Variants in LRCH2 observed in about 807,000 individuals in gnomAD.
The protein encoded by LRCH2 is leucine rich repeats and calponin homology domain containing 2.
In LRCH2, 38 loss-of-function variants were observed where a neutral mutation model predicts 68.9. The ratio of observed to expected loss-of-function variants is 0.55; its 90% CI spans 0.43 to 0.72. The LOEUF is 0.72. Ranked by LOEUF, LRCH2 falls within the 30% of genes least tolerant of loss-of-function variation. The pLI is 0.00. For synonymous variants in LRCH2, 191 were observed against 208.1 expected (o/e 0.92, Z 0.71); for missense variants, 528 against 572.9 (o/e 0.92, Z 0.80).
intron 14 of LRCH2, among the ~76,000 whole-genome samples, chrX:115,141,267 A>G (rs2072336373): frequency 9.1e-6 from 1 of 110,340 alleles, no homozygotes; most frequent in African/African-American, 3.3e-5. Flanking sequence ...GGTTGAGGAT[A>G]GTGCCTGTGT....
chrX:115,114,836 G>C (rs1314615814), intron 20 of LRCH2, among the ~76,000 whole-genome samples: 1 of 110,357 alleles, frequency 9.1e-6, no homozygotes, highest in African/African-American at 3.3e-5. Flanking sequence ...AACTATTATA[G>C]AACTAATAAA....
rs150971045 is a variant in LRCH2, at chrX:115,170,795, A to T, written c.865-363T>A. On this transcript the variant is annotated intron_variant, in intron 5 of 20. Transcript: ENST00000317135. ...TATTCATTGGAATGGTAAGAAAAGAACAAATAATCTATGTGATTCTTTAAA... is the reference window on the plus strand; with the variant it reads ...TATTCATTGGAATGGTAAGAAAAGATCAAATAATCTATGTGATTCTTTAAA... 9.3e-3 allele frequency among the ~76,000 whole-genome samples: 1,044 copies of T among 112,103 alleles called. 13 individuals are homozygous for T. Among genetic ancestry groups the T allele is most frequent in the African/African-American group, 0.032 (983 of 30,948 alleles).
chrX:115,150,128 A>G, intron 12 of LRCH2, 58 bp from the exon 13 acceptor site: 1 of 856,903 alleles, frequency 1.2e-6, no homozygotes. Flanking sequence ...CCTTAAATAT[A>G]TATTATGAAC....
chrX:115,174,620 A>G (rs2147399026), intron 5 of LRCH2, among the ~76,000 whole-genome samples: 1 of 101,417 alleles, frequency 9.9e-6, no homozygotes, highest in South Asian at 4.9e-4. Flanking sequence ...CACACACACT[A>G]TATTTTCTTT....
chrX:115,224,190 A>C (rs2073103694), intron 1 of LRCH2, among the ~76,000 whole-genome samples: 2 of 111,575 alleles, frequency 1.8e-5, no homozygotes, highest in African/African-American at 6.5e-5. Flanking sequence ...AAATAGATGA[A>C]TGGTTGCCTA....
At chrX:115,147,087 T>C (rs781852573) in intron 14 of LRCH2, among the ~76,000 whole-genome samples, 37 of 111,239 alleles carry the variant, frequency 3.3e-4, no homozygotes, top group South Asian at 3.7e-4. Context: ...TTTCGTAACA[T>C]AGCAAAACCT....
chrX:115,201,996 T>C (rs782523446), intron 1 of LRCH2, among the ~76,000 whole-genome samples: 3 of 111,196 alleles, frequency 2.7e-5, no homozygotes, highest in African/African-American at 6.5e-5. Context: ...ATGAAAGAAA[T>C]TGAAGATGAC....
intron 20 of LRCH2, among the ~76,000 whole-genome samples, chrX:115,117,838 T>A (rs1556524559): frequency 9.0e-6 from 1 of 111,119 alleles, no homozygotes; most frequent in African/African-American, 3.3e-5. Context: ...GTAGATATGT[T>A]CATTATTTTG....
At chrX:115,225,240 A>AG (rs1375042197) in intron 1 of LRCH2, among the ~76,000 whole-genome samples, 2 of 111,648 alleles carry the variant, frequency 1.8e-5, no homozygotes, top group Non-Finnish European at 3.8e-5. Context: ...CTTGGGGAAG[A>AG]GGGATTCTAG....
chrX:115,196,449 T>A (rs982059808), intron 1 of LRCH2, among the ~76,000 whole-genome samples: 8 of 110,798 alleles, frequency 7.2e-5, no homozygotes, highest in African/African-American at 2.0e-4. Context: ...TTGGGAGGTG[T>A]TGAGTACAAG....
intron 1 of LRCH2, among the ~76,000 whole-genome samples, chrX:115,206,769 G>T (rs1421760242): frequency 1.8e-5 from 2 of 109,455 alleles, no homozygotes; most frequent in East Asian, 5.7e-4. Context: ...GCGCCGCTGG[G>T]TTAGGGTCTC....
intron 14 of LRCH2, among the ~76,000 whole-genome samples, chrX:115,143,826 A>T (rs2072359304): frequency 8.9e-6 from 1 of 112,215 alleles, no homozygotes; most frequent in Non-Finnish European, 1.9e-5. Context: ...ATGGTTCAAC[A>T]TATGCAAATC....
intron 14 of LRCH2, among the ~76,000 whole-genome samples, chrX:115,145,751 C>T (rs1284099249): frequency 9.0e-6 from 1 of 111,205 alleles, no homozygotes; most frequent in African/African-American, 3.3e-5. Context: ...ATCATCTTAC[C>T]CCAGTTAAAG....
intron 11 of LRCH2, among the ~76,000 whole-genome samples, chrX:115,162,077 GCC>G (rs2072524033): frequency 1.8e-5 from 2 of 108,260 alleles, no homozygotes; most frequent in African/African-American, 6.7e-5. Flanking sequence ...ACACCACCAT[GCC>G]CGGCTAATTT....
intron 1 of LRCH2, among the ~76,000 whole-genome samples, chrX:115,206,826 A>T (rs2072970990): frequency 9.2e-6 from 1 of 108,735 alleles, no homozygotes; most frequent in African/African-American, 3.4e-5. Context: ...GGTGTTTCAG[A>T]TTTAAAATCA....
intron 14 of LRCH2, among the ~76,000 whole-genome samples, chrX:115,135,283 G>A (rs782370111): frequency 2.6e-3 from 282 of 107,979 alleles, no homozygotes; most frequent in African/African-American, 8.5e-3. Context: ...ATGTGCCACC[G>A]TGACCAGCTA....
At chrX:115,140,748 T>C (rs1389362321) in intron 14 of LRCH2, among the ~76,000 whole-genome samples, 1 of 111,609 alleles carries the variant, frequency 9.0e-6, no homozygotes, top group Non-Finnish European at 1.9e-5. Context: ...TGAGAGAGGT[T>C]CCTCTACCTG....
At chrX:115,174,608 CACACA>C (rs2072633134) in intron 5 of LRCH2, among the ~76,000 whole-genome samples, 1 of 99,961 alleles carries the variant, frequency 1.0e-5, no homozygotes. Flanking sequence ...CCCCCACACA[CACACA>C]CACACTATAT....
intron 1 of LRCH2, among the ~76,000 whole-genome samples, chrX:115,205,940 C>CA (rs782228586): frequency 0.26 from 7,002 of 27,301 alleles, 237 homozygotes; most frequent in Middle Eastern, 0.45. Flanking sequence ...CTCTGTCTCA[C>CA]AAAAAAAAAT....
Sources: gnomAD v4.1 joint callset for allele counts (sites outside exome capture counted in the v4.1 genomes callset) on GRCh38, gnomAD v4.1.1 for gene constraint, MANE v1.5 for transcripts, NCBI Gene and HGNC (gene_info 2026-07-23, HGNC 2026-07-21) for gene names.